Variants in ASIC2 observed in about 807,000 individuals in gnomAD.
The protein encoded by ASIC2 is acid-sensing ion channel 2.
In ASIC2, 25 loss-of-function variants were observed where a neutral mutation model predicts 57.3. The observed-to-expected ratio is 0.44, with a 90% CI of 0.32 to 0.61. The LOEUF is 0.61. ASIC2 is among the 20% of genes least tolerant of loss of function. The pLI is 0.06. For synonymous variants in ASIC2, 319 were observed against 307.5 expected (o/e 1.04, Z -0.39); for missense variants, 641 against 738.1 (o/e 0.87, Z 1.52).
At chr17:33,376,084 A>T (rs943457198) in intron 1 of ASIC2, among the ~76,000 whole-genome samples, 7 of 152,206 alleles carry the variant, frequency 4.6e-5, no homozygotes, top group Admixed American at 1.3e-4. Flanking sequence ...TATGTTTGGT[A>T]TTTAAAACCA....
At chr17:34,118,793 T>G (rs974663386) in intron 1 of ASIC2, 1 of 152,256 alleles carries the variant, frequency 6.6e-6, no homozygotes, top group Non-Finnish European at 1.5e-5. Flanking sequence ...GTCCAGACTG[T>G]TTGGCTCCAA....
intron 1 of ASIC2, among the ~76,000 whole-genome samples, chr17:33,853,336 G>A (rs576027817): frequency 1.3e-5 from 2 of 152,282 alleles, no homozygotes; most frequent in East Asian, 1.9e-4. Flanking sequence ...GGGCTCACCC[G>A]GCCTGGCAGG....
intron 1 of ASIC2, among the ~76,000 whole-genome samples, chr17:33,838,192 A>T (rs1013417206): frequency 1.1e-4 from 17 of 152,124 alleles, no homozygotes; most frequent in Non-Finnish European, 2.2e-4. Flanking sequence ...CTTCACAGGG[A>T]TTTGCACACA....
chr17:33,166,156 C>T (rs1319141716), intron 1 of ASIC2, among the ~76,000 whole-genome samples: 2 of 152,172 alleles, frequency 1.3e-5, no homozygotes, highest in Admixed American at 6.5e-5. Flanking sequence ...TAAGTACTTT[C>T]CTGAATTTAC....
chr17:33,182,349 T>C (rs1241134831), intron 1 of ASIC2, among the ~76,000 whole-genome samples: 1 of 150,994 alleles, frequency 6.6e-6, no homozygotes, highest in Non-Finnish European at 1.5e-5. Context: ...CCTCCCAGGG[T>C]TCTTATAAAG....
intron 1 of ASIC2, among the ~76,000 whole-genome samples, chr17:33,552,075 C>T (rs867492478): frequency 1.3e-4 from 20 of 152,294 alleles, no homozygotes; most frequent in Admixed American, 8.5e-4. Flanking sequence ...CATTGCCCAC[C>T]GCTTCCCGGT....
At chr17:34,039,544 G>T in intron 1 of ASIC2, 1 of 1,613,936 alleles carries the variant, frequency 6.2e-7, no homozygotes, top group Non-Finnish European at 8.5e-7. Flanking sequence ...TTGCAGTGAG[G>T]ATCGTGCAAC....
intron 1 of ASIC2, among the ~76,000 whole-genome samples, chr17:33,417,018 A>C (rs1910866384): frequency 6.6e-6 from 1 of 152,182 alleles, no homozygotes. Context: ...AAAGAGAGGA[A>C]AGGAAAAAAA....
chr17:33,750,544 G>A (rs1452219878), intron 1 of ASIC2, among the ~76,000 whole-genome samples: 4 of 152,026 alleles, frequency 2.6e-5, no homozygotes, highest in South Asian at 4.2e-4. Context: ...ACTTAGTGCC[G>A]AGGGCCCTAC....
chr17:33,514,506 A>G (rs1316302663), intron 1 of ASIC2, among the ~76,000 whole-genome samples: 3 of 152,158 alleles, frequency 2.0e-5, no homozygotes, highest in African/African-American at 7.2e-5. Context: ...GAGGGAAAGC[A>G]TTGTTTTTGG....
intron 1 of ASIC2, among the ~76,000 whole-genome samples, chr17:33,882,644 C>A (rs1914731850): frequency 6.6e-6 from 1 of 152,108 alleles, no homozygotes; most frequent in South Asian, 2.1e-4. Flanking sequence ...GAAATAGGAA[C>A]TTTTACACTG....
chr17:33,053,265 T>G (rs1026959731), intron 3 of ASIC2, among the ~76,000 whole-genome samples: 3 of 152,238 alleles, frequency 2.0e-5, no homozygotes, highest in African/African-American at 7.2e-5. Context: ...GTTAGCATGA[T>G]GGCTTCTATT....
chr17:33,616,151 G>C (rs986590590), intron 1 of ASIC2, among the ~76,000 whole-genome samples: 24 of 151,364 alleles, frequency 1.6e-4, no homozygotes, highest in Non-Finnish European at 2.9e-4. Flanking sequence ...CAGCAGGAAA[G>C]TCTATACTGT....
At chr17:33,721,587 G>A (rs1597849462) in intron 1 of ASIC2, among the ~76,000 whole-genome samples, 1 of 152,188 alleles carries the variant, frequency 6.6e-6, no homozygotes, top group Non-Finnish European at 1.5e-5. Flanking sequence ...TAGACAAAGA[G>A]CAGGACCGAG....
intron 1 of ASIC2, among the ~76,000 whole-genome samples, chr17:33,242,315 A>C (rs74424082): frequency 1.3e-5 from 1 of 74,698 alleles, no homozygotes; most frequent in African/African-American, 3.7e-5. Context: ...GACTCCGTCA[A>C]AAAAAAAAAA....
intron 1 of ASIC2, among the ~76,000 whole-genome samples, chr17:33,524,851 G>A (rs1337410076): frequency 6.6e-6 from 1 of 152,088 alleles, no homozygotes; most frequent in East Asian, 1.9e-4. Flanking sequence ...GAGACTACAG[G>A]TGCACATTAC....
At chr17:34,099,725 GGAAAGAAGGAAAGAAAGAAA>G (rs1567821568) in intron 1 of ASIC2, among the ~76,000 whole-genome samples, 5 of 66,276 alleles carry the variant, frequency 7.5e-5, no homozygotes, top group Non-Finnish European at 8.5e-5. Context: ...AAAGAAAGAA[GGAAAGAAGGAAAGAAAGAAA>G]GAAAGAAAGA....
At chr17:33,450,630 T>C (rs1828732634) in intron 1 of ASIC2, among the ~76,000 whole-genome samples, 1 of 152,204 alleles carries the variant, frequency 6.6e-6, no homozygotes, top group Admixed American at 6.5e-5. Flanking sequence ...AACTGTAGAG[T>C]TAAATTAGTT....
intron 1 of ASIC2, among the ~76,000 whole-genome samples, chr17:34,099,366 GGAAA>G (rs1363030266): frequency 8.5e-6 from 1 of 117,336 alleles, no homozygotes; most frequent in African/African-American, 3.4e-5. Context: ...AAGGAAGGAA[GGAAA>G]GAAAGAAAAA....
Sources: gnomAD v4.1 joint callset for allele counts (sites outside exome capture counted in the v4.1 genomes callset) on GRCh38, gnomAD v4.1.1 for gene constraint, MANE v1.5 for transcripts, NCBI Gene and HGNC (gene_info 2026-07-23, HGNC 2026-07-21) for gene names.